Variants in ADAMTSL3 observed in about 807,000 individuals in gnomAD.
ADAMTSL3 encodes ADAMTS like 3, also known as ADAMTS-like protein 3.
In ADAMTSL3, 128 loss-of-function variants were observed where a neutral mutation model predicts 201.7. The observed-to-expected ratio is 0.63, with a 90% CI of 0.55 to 0.73. ADAMTSL3 has a LOEUF of 0.73. Among genes scored for constraint, ADAMTSL3 ranks in the 30% least tolerant of loss-of-function variants. The pLI, the probability that ADAMTSL3 is intolerant of heterozygous loss-of-function variation, is 0.00. For synonymous variants in ADAMTSL3, 738 were observed against 748.4 expected (o/e 0.99, Z 0.23); for missense variants, 1,990 against 2,119.6 (o/e 0.94, Z 1.20).
chr15:83,717,212 A>G (rs1444606475), intron 3 of ADAMTSL3, among the ~76,000 whole-genome samples: 1 of 152,190 alleles, frequency 6.6e-6, no homozygotes, highest in African/African-American at 2.4e-5. Flanking sequence ...GAATCTCTGT[A>G]ATGTGGCATC....
At chr15:83,667,013 T>A (rs1001043882) in intron 2 of ADAMTSL3, among the ~76,000 whole-genome samples, 70 of 152,214 alleles carry the variant, frequency 4.6e-4, no homozygotes, top group African/African-American at 1.6e-3. Context: ...TTACATTTTA[T>A]TTTTGTTTAT....
chr15:83,837,186 A>G (rs1326627341), intron 6 of ADAMTSL3, among the ~76,000 whole-genome samples: 1 of 151,930 alleles, frequency 6.6e-6, no homozygotes, highest in African/African-American at 2.4e-5. Flanking sequence ...AATTGTTTAT[A>G]AATATATAGG....
At chr15:84,006,766 G>A (rs12438301) in intron 23 of ADAMTSL3, among the ~76,000 whole-genome samples, 127,667 of 152,240 alleles carry the variant, frequency 0.84, 53,959 homozygotes, top group African/African-American at 0.95. Context: ...GAGCAGTGGT[G>A]CGAAGAAATC....
chr15:83,686,345 A>G (rs2061536127), intron 2 of ADAMTSL3, among the ~76,000 whole-genome samples: 2 of 152,240 alleles, frequency 1.3e-5, no homozygotes, highest in Non-Finnish European at 2.9e-5. Context: ...ATGAGATATC[A>G]TCCAAGTGTC....
chr15:83,766,482 A>G (rs1318931598), intron 3 of ADAMTSL3, among the ~76,000 whole-genome samples: 11 of 152,212 alleles, frequency 7.2e-5, no homozygotes. Context: ...ATAGAGGGGG[A>G]AAAAAGTAAA....
At position 83,654,391 on chromosome 15, in the gene ADAMTSL3, C is replaced by T. The variant is rs1397143990; in HGVS notation, c.-34+115C>T. 6.6e-6 allele frequency: 1 copy of T among 152,530 alleles called. No homozygotes were observed. Among genetic ancestry groups the T allele is most frequent in the Non-Finnish European group, 1.5e-5 (1 of 68,424 alleles). The allele number at this position is 152,530 out of a possible 1,614,324, so 9.4% of individuals were successfully genotyped here. A position where few individuals can be genotyped will look rare whatever the true frequency, so the allele number is the denominator to read the frequency against. On this transcript the variant is annotated intron_variant, in intron 1 of 29. Coordinates refer to ENST00000286744, the MANE Select transcript of ADAMTSL3 (RefSeq NM_207517.3). The surrounding 1 kb of genome is among the most constrained non-coding windows in gnomAD (Gnocchi z 5.3). ...TCTAAGCAAGTTGGGGGTCTCCAAG[C>T]AGAGTCGGGGCGTGCCACGCGGGCC...
chr15:83,803,881 G>A (rs1160215045), intron 4 of ADAMTSL3, among the ~76,000 whole-genome samples: 1 of 152,150 alleles, frequency 6.6e-6, no homozygotes, highest in African/African-American at 2.4e-5. Context: ...AGTAGCTCAC[G>A]CCTGTAATCC....
intron 16 of ADAMTSL3, among the ~76,000 whole-genome samples, chr15:83,921,811 A>C (rs2066149932): frequency 6.6e-6 from 1 of 151,946 alleles, no homozygotes; most frequent in South Asian, 2.1e-4. Context: ...CAGCCCCCCG[A>C]GTAGCTGGGA....
chr15:83,675,692 A>T (rs2141406288), intron 2 of ADAMTSL3, among the ~76,000 whole-genome samples: 1 of 146,606 alleles, frequency 6.8e-6, no homozygotes, highest in East Asian at 2.0e-4. Context: ...GGTGTTCTTT[A>T]CATGTTTGGT....
intron 5 of ADAMTSL3, among the ~76,000 whole-genome samples, chr15:83,811,362 A>C (rs1053411897): frequency 6.6e-6 from 1 of 152,210 alleles, no homozygotes; most frequent in Non-Finnish European, 1.5e-5. Context: ...TATTTAAAAC[A>C]ATTCATTTTA....
chr15:83,753,369 T>A (rs915403462), intron 3 of ADAMTSL3, among the ~76,000 whole-genome samples: 1 of 152,182 alleles, frequency 6.6e-6, no homozygotes, highest in African/African-American at 2.4e-5. Flanking sequence ...CTGCAGGTGG[T>A]CCAGAGCATG....
intron 5 of ADAMTSL3, among the ~76,000 whole-genome samples, chr15:83,813,296 G>A (rs1241251325): frequency 6.6e-6 from 1 of 152,140 alleles, no homozygotes; most frequent in African/African-American, 2.4e-5. Context: ...ATGGCTATTC[G>A]TTTTCCACTA....
chr15:83,876,110 C>T (rs983644559), intron 9 of ADAMTSL3, among the ~76,000 whole-genome samples: 4 of 151,996 alleles, frequency 2.6e-5, no homozygotes, highest in African/African-American at 9.7e-5. Flanking sequence ...CGGAAGTATC[C>T]AATTCATCCA....
chr15:83,724,594 A>T (rs746064077), intron 3 of ADAMTSL3, among the ~76,000 whole-genome samples: 7 of 151,986 alleles, frequency 4.6e-5, no homozygotes, highest in Non-Finnish European at 7.4e-5. Flanking sequence ...ATAGTAAATT[A>T]TTGTTGACTG....
chr15:83,977,939 A>G (rs713468), intron 20 of ADAMTSL3, among the ~76,000 whole-genome samples: 60,546 of 152,078 alleles, frequency 0.4, 12,918 homozygotes, highest in African/African-American at 0.56. Context: ...AGAGAATCCA[A>G]AGTATCTGCC....
intron 9 of ADAMTSL3, among the ~76,000 whole-genome samples, chr15:83,876,077 A>G (rs1259274417): frequency 1.3e-5 from 2 of 152,112 alleles, no homozygotes; most frequent in Non-Finnish European, 1.5e-5. Flanking sequence ...ATTTTAGCCA[A>G]TTTTGAAATT....
intron 4 of ADAMTSL3, among the ~76,000 whole-genome samples, chr15:83,782,709 C>G (rs756748791): frequency 6.6e-6 from 1 of 151,954 alleles, no homozygotes; most frequent in Non-Finnish European, 1.5e-5. Flanking sequence ...ACAACATTCA[C>G]TGGGACATAT....
chr15:83,762,167 C>T (rs1035456160), intron 3 of ADAMTSL3, among the ~76,000 whole-genome samples: 3 of 152,106 alleles, frequency 2.0e-5, no homozygotes, highest in Non-Finnish European at 4.4e-5. Context: ...TCTCCTGCCT[C>T]AGCCTCCTGA....
At chr15:83,903,939 A>AGGG (rs1567226085) in intron 15 of ADAMTSL3, among the ~76,000 whole-genome samples, 2 of 50,650 alleles carry the variant, frequency 3.9e-5, no homozygotes, top group African/African-American at 1.2e-4. Context: ...AAAAAAAAAA[A>AGGG]AAAAAGAAAA....
Sources: gnomAD v4.1 joint callset for allele counts (sites outside exome capture counted in the v4.1 genomes callset) on GRCh38, gnomAD v4.1.1 for gene constraint, Gnocchi (gnomAD v3.1) non-coding constraint, MANE v1.5 for transcripts, NCBI Gene and HGNC (gene_info 2026-07-23, HGNC 2026-07-21) for gene names.